Variants in NCKAP5L observed in about 807,000 individuals in gnomAD.
NCKAP5L encodes nck-associated protein 5-like.
A neutral mutation model predicts 103.2 loss-of-function variants in NCKAP5L; 54 were observed. The ratio of observed to expected loss-of-function variants is 0.52; its 90% CI spans 0.42 to 0.66. The LOEUF (loss-of-function observed/expected upper bound fraction) is 0.66. Ranked by LOEUF, NCKAP5L falls within the 30% of genes least tolerant of loss-of-function variation. The probability of loss-of-function intolerance (pLI) is 0.00; values close to 1 mark genes in which losing one functional copy is unlikely to be tolerated. For synonymous variants in NCKAP5L, 762 were observed against 748.6 expected (o/e 1.02, Z -0.29); for missense variants, 1,733 against 1,750.6 (o/e 0.99, Z 0.18).
chr12:49,802,967 C>T lies in NCKAP5L; in HGVS notation c.222G>A (p.Leu74=). 6.2e-7 allele frequency: 1 copy of T among 1,614,144 alleles called. No homozygotes were observed. Among genetic ancestry groups the T allele is most frequent in the Non-Finnish European group, 8.5e-7 (1 of 1,179,994 alleles). The change falls in exon 5 of 13, where the codon CTG becomes CTA. Residue 74 remains leucine, a synonymous_variant. Coordinates refer to ENST00000335999, the MANE Select transcript of NCKAP5L (RefSeq NM_001037806.4). The part of the protein sequence containing the change: ...EVANHVVQAL[L]NQKDLREECI... Reference sequence around the variant, plus strand: ...TGTCTGGGTTACTCACCTTCTGGTTCAGCAACGCCTGTACCACATGGTTGG... The same window carrying T: ...TGTCTGGGTTACTCACCTTCTGGTTTAGCAACGCCTGTACCACATGGTTGG...
Position 49,795,587 on chromosome 12 carries a change from C to A in NCKAP5L, c.2273G>T (p.Gly758Val), listed in dbSNP as rs1439419163. The A allele has an allele frequency of 9.6e-6, 15 of 1,569,074 alleles. No individual in the cohort carries two copies. The highest frequency in any genetic ancestry group is 1.1e-5 in the Non-Finnish European group (13 of 1,159,262). ...GACAGGCTCCAGGTCCACCCGGGCC[C>A]CCATGGAGTGAGAGGAGTAGACTCG... ...GARVYSSHSM[G>V]ARVDLEPVSP... is the part of the protein sequence containing the mutation. Residue 758 changes from glycine (G) to valine (V), a missense_variant, in exon 8 of 13, where the codon GGG becomes GTG. By Grantham distance (109) the Gly-to-Val change is moderately radical. Transcript: ENST00000335999.
At chr12:49,820,555 TCCAC>T (rs1946350400) in intron 1 of NCKAP5L, among the ~76,000 whole-genome samples, 1 of 152,292 alleles carries the variant, frequency 6.6e-6, no homozygotes, top group East Asian at 1.9e-4. Flanking sequence ...GACCTTGTGA[TCCAC>T]CCACCTTGGC....
In NCKAP5L at chr12:49,791,911, T is replaced by C; in HGVS notation, c.3933A>G (p.Pro1311=). 6.2e-7 allele frequency: 1 copy of C among 1,612,134 alleles called. No homozygotes were observed. Among genetic ancestry groups the C allele is most frequent in the Non-Finnish European group, 8.5e-7 (1 of 1,179,442 alleles). The stretch of plus-strand genomic sequence containing the variant: ...TGAGAGACTCCGAGGTCTCCAGCCC[T>C]GGGGGGCCCCCGCTGGCCACTCTGC... ...EEGRVASGGP[P]GLETSESLSD... is the part of the protein sequence containing the mutation. The change falls in exon 13 of 13, where the codon CCA becomes CCG. Residue 1311 remains proline, a synonymous_variant. Coordinates refer to ENST00000335999, the MANE Select transcript of NCKAP5L (RefSeq NM_001037806.4).
At chr12:49,794,607 C>CCCG (rs878879899) in intron 8 of NCKAP5L, among the ~76,000 whole-genome samples, 158 bp downstream of exon 8, 1 of 117,748 alleles carries the variant, frequency 8.5e-6, no homozygotes, top group Admixed American at 7.6e-5. Context: ...AGTCACTGAC[C>CCCG]CCCCCACCAG....
At chr12:49,808,554 C>G (rs142996391) in intron 1 of NCKAP5L, among the ~76,000 whole-genome samples, 467 of 152,340 alleles carry the variant, frequency 3.1e-3, no homozygotes, top group Admixed American at 8.5e-3. Context: ...TAGGGAAGGT[C>G]AAGATCCAGA....
chr12:49,797,203 A>T lies in NCKAP5L; in HGVS notation c.657T>A (p.Pro219=). ...ATPWRPPGQG[P]GSPEPINGEL... ...CGCCGTTGATGGGCTCTGGGGAGCC[A>T]GGCCCCTGGCCTGGAGGCCGCCAGG... Residue 219 remains proline, a synonymous_variant, in exon 8 of 13, where the codon CCT becomes CCA. Coordinates refer to ENST00000335999, the MANE Select transcript of NCKAP5L (RefSeq NM_001037806.4). The surrounding 1 kb of genome is among the most constrained non-coding windows in gnomAD (Gnocchi z 4.5). 6.2e-7 allele frequency: 1 copy of T among 1,613,048 alleles called. No homozygotes were observed. The highest frequency in any genetic ancestry group is 1.1e-5 in the South Asian group (1 of 91,030).
chr12:49,811,702 C>G (rs537236916), intron 1 of NCKAP5L, among the ~76,000 whole-genome samples: 2 of 152,162 alleles, frequency 1.3e-5, no homozygotes, highest in Admixed American at 1.3e-4. Context: ...TGAGGGACTC[C>G]GAGTCTGCAG....
At chr12:49,805,503 G>A (rs906131352) in intron 2 of NCKAP5L, 1 of 152,196 alleles carries the variant, frequency 6.6e-6, no homozygotes, top group African/African-American at 2.4e-5. Context: ...CCAGTAGATG[G>A]GCAACCCTTC....
rs541483830 is a variant in NCKAP5L at position 49,792,350 on chromosome 12, C to T, written c.3792+96G>A. On this transcript the variant is annotated intron_variant, in intron 12 of 12. Coordinates refer to ENST00000335999, the MANE Select transcript of NCKAP5L (RefSeq NM_001037806.4). This position sits in a 1 kb window ranked among gnomAD's most constrained non-coding sequence, Gnocchi z 4.5. ...CAGAGGGTGCAGCACTGAGACTGTG[C>T]GACACACAGGCCGTACCTTACTGGA... 19 of 1,557,106 alleles carry T rather than the reference C, an allele frequency of 1.2e-5. No individual in the cohort carries two copies. Among genetic ancestry groups the T allele is most frequent in the Admixed American group, 1.2e-4 (6 of 51,688 alleles).
At chr12:49,801,055 G>A (rs1044810347) in intron 6 of NCKAP5L, among the ~76,000 whole-genome samples, 19 of 152,186 alleles carry the variant, frequency 1.2e-4, no homozygotes, top group Non-Finnish European at 2.6e-4. Flanking sequence ...ACAAGGGGCC[G>A]CCTCTGCAAG....
intron 1 of NCKAP5L, among the ~76,000 whole-genome samples, chr12:49,810,907 A>G (rs1050325781): frequency 6.6e-6 from 1 of 152,242 alleles, no homozygotes; most frequent in Non-Finnish European, 1.5e-5. Context: ...AAGGGTCCTC[A>G]GACCAAAAAG....
chr12:49,793,429 C>T lies in NCKAP5L; in HGVS notation c.3263G>A (p.Ser1088Asn), dbSNP rs757172988. 31 of 1,609,446 alleles carry T rather than the reference C, an allele frequency of 1.9e-5. No individual in the cohort carries two copies. The South Asian group carries it at 3.1e-4, about 16-fold the overall frequency. ...QGCGKPPGKP[S>N]SEPGRREEMP... ...CTCTTCCCGCCTCCCTGGCTCGCTG[C>T]TCGGCTGTGTGGGATACAGGAGACC... The change falls in exon 10 of 13, where the codon AGC becomes AAC. Residue 1088 changes from serine (S) to asparagine (N), a missense_variant. By Grantham distance (46) the Ser-to-Asn change is conservative (BLOSUM62 1). Coordinates refer to ENST00000335999, the MANE Select transcript of NCKAP5L (RefSeq NM_001037806.4).
intron 1 of NCKAP5L, among the ~76,000 whole-genome samples, chr12:49,814,798 G>A (rs1386563386): frequency 6.6e-6 from 1 of 152,156 alleles, no homozygotes; most frequent in African/African-American, 2.4e-5. Context: ...TCTGTTCCAA[G>A]ATCCAATCCA....
In NCKAP5L at chr12:49,792,640, T is replaced by C. The variant is rs1243990352; in HGVS notation, c.3649+38A>G. On this transcript the variant is annotated intron_variant, in intron 11 of 12. Coordinates refer to ENST00000335999, the MANE Select transcript of NCKAP5L (RefSeq NM_001037806.4). This position sits in a 1 kb window ranked among gnomAD's most constrained non-coding sequence, Gnocchi z 4.5. ...TGGAGCTGCCTGGGCAGCTCCAGGA[T>C]GCCCAGGGGCATCCCACCCTCCCAC... The C allele has an allele frequency of 1.2e-6, 2 of 1,613,398 alleles. No individual in the cohort carries two copies. The highest frequency in any genetic ancestry group is 1.7e-6 in the Non-Finnish European group (2 of 1,179,632).
At chr12:49,811,052 C>T (rs992033162) in intron 1 of NCKAP5L, among the ~76,000 whole-genome samples, 2 of 152,172 alleles carry the variant, frequency 1.3e-5, no homozygotes, top group African/African-American at 4.8e-5. Flanking sequence ...TGTGGCTAGT[C>T]CAACTGAGGA....
At position 49,792,968 on chromosome 12, in the gene NCKAP5L, C is replaced by T. The variant is rs1418848095; in HGVS notation, c.3359G>A (p.Arg1120Gln). Residue 1120 changes from arginine (R) to glutamine (Q), a missense_variant, in exon 11 of 13, where the codon CGA (arginine) becomes CAA (glutamine). Transcript: ENST00000335999. The surrounding 1 kb of genome is among the most constrained non-coding windows in gnomAD (Gnocchi z 4.5). ...SHFTACGSLT[R>Q]TLDSGIGTFP... ...GGTCCCAATGCCACTGTCCAAGGTT[C>T]GAGTCAAGGAGCCACAGGCTGGGGA... 11 of 1,545,250 alleles carry T rather than the reference C, an allele frequency of 7.1e-6. No individual in the cohort carries two copies. Among genetic ancestry groups the T allele is most frequent in the East Asian group, 2.3e-5 (1 of 44,060 alleles).
chr12:49,807,246 C>CGTGTGTGTGT (rs67299530), intron 1 of NCKAP5L, among the ~76,000 whole-genome samples: 27 of 149,258 alleles, frequency 1.8e-4, no homozygotes, highest in Admixed American at 1.5e-3. Flanking sequence ...AATGCTTCTT[C>CGTGTGTGTGT]GTGTGTGTGT....
chr12:49,811,851 T>G (rs1403673441), intron 1 of NCKAP5L, among the ~76,000 whole-genome samples: 2 of 152,184 alleles, frequency 1.3e-5, no homozygotes, highest in African/African-American at 2.4e-5. Flanking sequence ...ATACTCTAGA[T>G]ACTTCAAAGC....
At chr12:49,808,838 C>T (rs1946208884) in intron 1 of NCKAP5L, among the ~76,000 whole-genome samples, 1 of 152,190 alleles carries the variant, frequency 6.6e-6, no homozygotes, top group South Asian at 2.1e-4. Flanking sequence ...CTCTGGTGGC[C>T]CCAACACGTC....
Sources: allele counts gnomAD v4.1 joint callset (sites outside exome capture counted in the v4.1 genomes callset), GRCh38; gene constraint gnomAD v4.1.1; non-coding constraint Gnocchi (gnomAD v3.1); transcripts MANE v1.5; gene names NCBI Gene and HGNC (gene_info 2026-07-23, HGNC 2026-07-21).